Variants in FHIT observed in about 807,000 individuals in gnomAD.
FHIT encodes fragile histidine triad diadenosine triphosphatase, also known as bis(5'-adenosyl)-triphosphatase.
Under a neutral mutation model 17.9 loss-of-function variants are expected in FHIT, and 19 were observed. The observed-to-expected ratio is 1.06, with a 90% CI of 0.74 to 1.56. FHIT has a LOEUF of 1.56. Ranked by LOEUF, FHIT falls within the 40% of genes most tolerant of loss-of-function variation. The probability of loss-of-function intolerance (pLI) is 0.00; values close to 1 mark genes in which losing one functional copy is unlikely to be tolerated. For missense variants in FHIT, 248 were observed against 189.2 expected (o/e 1.31, Z -1.82); for synonymous variants, 81 against 69.7 (o/e 1.16, Z -0.81).
Position 60,011,410 on chromosome 3 carries a change from G to C in FHIT, c.250-10C>G. 6.2e-7 allele frequency: 1 copy of C among 1,612,706 alleles called. No homozygotes were observed. Among genetic ancestry groups the C allele is most frequent in the Non-Finnish European group, 8.5e-7 (1 of 1,178,910 alleles). Reference sequence around the variant, plus strand: ...CGGCTTCGGGGCCATCCTAGAAGTAGGAAAAAACCAACAGAGGTGAGAATA... The same window carrying C: ...CGGCTTCGGGGCCATCCTAGAAGTACGAAAAAACCAACAGAGGTGAGAATA... On this transcript the variant is annotated splice_polypyrimidine_tract_variant and intron_variant, in intron 6 of 9. Transcript: ENST00000492590.
intron 1 of FHIT, among the ~76,000 whole-genome samples, chr3:61,237,022 G>T (rs1349864814): frequency 2.6e-5 from 4 of 152,112 alleles, no homozygotes; most frequent in East Asian, 1.9e-4. Context: ...ACACATGTGG[G>T]TCTCTTTTGT....
chr3:60,097,046 TAGA>T (rs1703981803), intron 5 of FHIT, among the ~76,000 whole-genome samples: 1 of 107,460 alleles, frequency 9.3e-6, no homozygotes, highest in African/African-American at 3.2e-5. Flanking sequence ...AAAAAAGGAA[TAGA>T]AGAACTCGAG....
chr3:60,907,275 T>C (rs1706477572), intron 3 of FHIT, among the ~76,000 whole-genome samples: 1 of 152,194 alleles, frequency 6.6e-6, no homozygotes, highest in Admixed American at 6.5e-5. Flanking sequence ...ACCTAGATAG[T>C]ACTTTGGCCT....
chr3:60,750,721 G>A (rs574800777), intron 4 of FHIT, among the ~76,000 whole-genome samples: 78 of 152,106 alleles, frequency 5.1e-4, no homozygotes, highest in Non-Finnish European at 8.5e-4. Context: ...TGTGAAAACA[G>A]ACTAATACAC....
intron 4 of FHIT, among the ~76,000 whole-genome samples, chr3:60,719,900 C>G (rs2041771231): frequency 6.6e-6 from 1 of 152,164 alleles, no homozygotes; most frequent in South Asian, 2.1e-4. Flanking sequence ...CTCCAGATCT[C>G]CTGCAATGGC....
At chr3:60,086,614 G>T (rs565098563) in intron 5 of FHIT, among the ~76,000 whole-genome samples, 1 of 152,290 alleles carries the variant, frequency 6.6e-6, no homozygotes, top group East Asian at 1.9e-4. Flanking sequence ...GGAGAAATTG[G>T]CCAAAAGAAA....
chr3:61,246,245 T>C (rs925159462), intron 1 of FHIT, among the ~76,000 whole-genome samples: 3 of 151,992 alleles, frequency 2.0e-5, no homozygotes, highest in African/African-American at 7.3e-5. Flanking sequence ...GTCTATGGAG[T>C]AGCCATCCTT....
chr3:60,800,311 T>C (rs1340719380), intron 4 of FHIT, among the ~76,000 whole-genome samples: 10 of 152,240 alleles, frequency 6.6e-5, no homozygotes, highest in African/African-American at 2.4e-4. Context: ...TAGTATCATC[T>C]TACGGTGCCT....
At chr3:60,336,402 A>G (rs1710243170) in intron 5 of FHIT, among the ~76,000 whole-genome samples, 1 of 152,230 alleles carries the variant, frequency 6.6e-6, no homozygotes, top group South Asian at 2.1e-4. Flanking sequence ...ATGCCTATGA[A>G]AAGAGTGGTT....
chr3:60,705,867 T>G (rs1346644836), intron 4 of FHIT, among the ~76,000 whole-genome samples: 1 of 152,182 alleles, frequency 6.6e-6, no homozygotes, highest in Non-Finnish European at 1.5e-5. Context: ...CTGTGACCTC[T>G]CTGTTGTATA....
chr3:60,494,972 C>T (rs2034234512), intron 5 of FHIT, among the ~76,000 whole-genome samples: 1 of 152,130 alleles, frequency 6.6e-6, no homozygotes, highest in Non-Finnish European at 1.5e-5. Context: ...TACTGACTTC[C>T]TTTGGGTATA....
chr3:60,842,346 A>G (rs1234490187), intron 3 of FHIT, among the ~76,000 whole-genome samples: 3 of 145,372 alleles, frequency 2.1e-5, no homozygotes, highest in Admixed American at 1.4e-4. Flanking sequence ...CTCCCACCAG[A>G]AAAAAAAAAA....
At chr3:60,928,117 G>A (rs377492177) in intron 3 of FHIT, among the ~76,000 whole-genome samples, 8 of 152,018 alleles carry the variant, frequency 5.3e-5, no homozygotes, top group Non-Finnish European at 8.8e-5. Flanking sequence ...CAGTATGCTC[G>A]TTAAGAGTCA....
At chr3:60,024,063 C>CA (rs762573513) in intron 5 of FHIT, among the ~76,000 whole-genome samples, 40 of 151,178 alleles carry the variant, frequency 2.6e-4, no homozygotes, top group Non-Finnish European at 5.5e-4. Context: ...AAAATAAATA[C>CA]AAACTGGTCT....
At chr3:60,738,584 T>C (rs1553713170) in intron 4 of FHIT, among the ~76,000 whole-genome samples, 1 of 152,240 alleles carries the variant, frequency 6.6e-6, no homozygotes, top group East Asian at 1.9e-4. Context: ...GCCACCTTGA[T>C]GCATTTGAAG....
At chr3:61,060,377 A>T (rs964998142) in intron 2 of FHIT, among the ~76,000 whole-genome samples, 4 of 152,188 alleles carry the variant, frequency 2.6e-5, no homozygotes, top group Non-Finnish European at 5.9e-5. Flanking sequence ...ACTGTACTTT[A>T]CTATAGCTGA....
intron 5 of FHIT, among the ~76,000 whole-genome samples, chr3:60,312,994 G>A (rs143023796): frequency 1.1e-3 from 162 of 152,284 alleles, no homozygotes; most frequent in African/African-American, 3.7e-3. Flanking sequence ...AGTTGATTCA[G>A]GTTGATATGA....
chr3:59,945,800 C>T (rs1458780762), intron 7 of FHIT, among the ~76,000 whole-genome samples: 1 of 152,104 alleles, frequency 6.6e-6, no homozygotes, highest in Non-Finnish European at 1.5e-5. Flanking sequence ...GGAGTCCTTT[C>T]CCCTTTTGGT....
intron 3 of FHIT, among the ~76,000 whole-genome samples, chr3:60,963,334 G>A (rs537221375): frequency 6.6e-6 from 1 of 151,988 alleles, no homozygotes; most frequent in African/African-American, 2.4e-5. Flanking sequence ...TTCTTTATTA[G>A]TCTTGCTAGT....
Sources: allele counts gnomAD v4.1 joint callset (sites outside exome capture counted in the v4.1 genomes callset), GRCh38; gene constraint gnomAD v4.1.1; transcripts MANE v1.5; gene names NCBI Gene and HGNC (gene_info 2026-07-23, HGNC 2026-07-21).